SCHIP1: variants seen among roughly 807,000 people sequenced by gnomAD.
SCHIP1 encodes the protein schwannomin-interacting protein 1.
SCHIP1 carries 8 observed loss-of-function variants against 29.7 expected under a neutral mutation model. That is an observed-to-expected ratio of 0.27 (90% CI 0.16 to 0.49). SCHIP1 has a LOEUF of 0.49. Among genes scored for constraint, SCHIP1 ranks in the 20% least tolerant of loss-of-function variants. The pLI, the probability that SCHIP1 is intolerant of heterozygous loss-of-function variation, is 0.99. For synonymous variants in SCHIP1, 76 were observed against 94.9 expected (o/e 0.80, Z 1.16); for missense variants, 193 against 294.6 (o/e 0.66, Z 2.52).
the SCHIP1 span, among the ~76,000 whole-genome samples, chr3:159,565,261 G>A: frequency 6.6e-6 from 1 of 152,160 alleles, no homozygotes; most frequent in African/African-American, 2.4e-5. Context: ...TAGTGAACAC[G>A]AAAGTCATTT....
At chr3:159,421,499 G>T in the SCHIP1 span, among the ~76,000 whole-genome samples, 1 of 151,902 alleles carries the variant, frequency 6.6e-6, no homozygotes, top group African/African-American at 2.4e-5. Context: ...TTTATACTAT[G>T]AAAAAGGAGA....
chr3:159,552,408 C>A, the SCHIP1 span, among the ~76,000 whole-genome samples: 3 of 151,982 alleles, frequency 2.0e-5, no homozygotes, highest in Non-Finnish European at 4.4e-5. Context: ...ACTACTCTGA[C>A]CTTCAGTTTC....
the SCHIP1 span, among the ~76,000 whole-genome samples, chr3:159,596,365 T>G: frequency 4.6e-5 from 7 of 152,176 alleles, no homozygotes; most frequent in African/African-American, 1.7e-4. Flanking sequence ...TGTAAACTAG[T>G]TCAACCATTG....
At chr3:159,685,169 C>G in the SCHIP1 span, among the ~76,000 whole-genome samples, 1 of 152,208 alleles carries the variant, frequency 6.6e-6, no homozygotes, top group East Asian at 1.9e-4. Context: ...CCCTGCCCCC[C>G]AAGGAACTTA....
At chr3:159,570,326 A>G in the SCHIP1 span, among the ~76,000 whole-genome samples, 2 of 151,968 alleles carry the variant, frequency 1.3e-5, no homozygotes, top group Admixed American at 6.6e-5. Context: ...TTTGTATAAG[A>G]TGTAAGGAAG....
the SCHIP1 span, among the ~76,000 whole-genome samples, chr3:159,567,163 A>C: frequency 2.6e-5 from 4 of 152,256 alleles, no homozygotes; most frequent in Admixed American, 6.5e-5. Context: ...CTCCTTTTAT[A>C]AATTGTGTTT....
At chr3:159,440,701 G>A in the SCHIP1 span, among the ~76,000 whole-genome samples, 3,798 of 151,878 alleles carry the variant, frequency 0.025, 173 homozygotes, top group African/African-American at 0.087. Context: ...TACTTTCCAC[G>A]TCTACACTGT....
the SCHIP1 span, among the ~76,000 whole-genome samples, chr3:159,805,561 G>C: frequency 6.6e-6 from 1 of 152,174 alleles, no homozygotes; most frequent in Admixed American, 6.5e-5. Flanking sequence ...AACACTCTCT[G>C]TAGTCCTTTT....
At chr3:159,484,006 A>G in the SCHIP1 span, among the ~76,000 whole-genome samples, 6 of 152,182 alleles carry the variant, frequency 3.9e-5, no homozygotes, top group East Asian at 1.2e-3. Context: ...TACAATATAA[A>G]TTTAAAAGAG....
intron 1 of SCHIP1, among the ~76,000 whole-genome samples, chr3:159,854,976 A>G (rs926352970): frequency 6.6e-6 from 1 of 152,238 alleles, no homozygotes; most frequent in Non-Finnish European, 1.5e-5. Context: ...AAGGAGCTTT[A>G]AAACATCAAC....
intron 2 of SCHIP1, among the ~76,000 whole-genome samples, chr3:159,871,196 T>G (rs958923785): frequency 2.0e-5 from 3 of 152,066 alleles, no homozygotes; most frequent in Non-Finnish European, 2.9e-5. Flanking sequence ...AATAACTAAG[T>G]ATAAGACACT....
chr3:159,362,708 G>A, the SCHIP1 span, among the ~76,000 whole-genome samples: 3 of 152,088 alleles, frequency 2.0e-5, no homozygotes, highest in Non-Finnish European at 4.4e-5. Flanking sequence ...TTTCCCCCCC[G>A]GCCATGAGCC....
chr3:159,612,877 T>C, the SCHIP1 span, among the ~76,000 whole-genome samples: 2,783 of 152,316 alleles, frequency 0.018, 106 homozygotes, highest in African/African-American at 0.064. Flanking sequence ...GATAGATTAT[T>C]TTTCCCTTAT....
chr3:159,366,822 T>G, the SCHIP1 span, among the ~76,000 whole-genome samples: 2 of 152,186 alleles, frequency 1.3e-5, no homozygotes, highest in African/African-American at 4.8e-5. Context: ...AAGATGCTTT[T>G]GATAGGAAAA....
the SCHIP1 span, among the ~76,000 whole-genome samples, chr3:159,680,657 TATAAA>T: frequency 6.9e-5 from 5 of 72,364 alleles, no homozygotes; most frequent in South Asian, 3.2e-4. Context: ...TATATGTATA[TATAAA>T]ATATATATTA....
the SCHIP1 span, among the ~76,000 whole-genome samples, chr3:159,648,695 C>A: frequency 6.6e-6 from 1 of 152,062 alleles, no homozygotes; most frequent in East Asian, 1.9e-4. Flanking sequence ...GACAACTTTA[C>A]CCAGGCTTCC....
the SCHIP1 span, among the ~76,000 whole-genome samples, chr3:159,422,186 G>A: frequency 1.3e-5 from 2 of 152,168 alleles, no homozygotes; most frequent in Non-Finnish European, 2.9e-5. Context: ...CTAAGCAGAA[G>A]TCTGAGGGTG....
intron 1 of SCHIP1, 122 bp from the exon 3 acceptor site, chr3:159,866,041 G>T: frequency 1.2e-6 from 1 of 818,086 alleles, no homozygotes. Flanking sequence ...CTCTTATGCC[G>T]CAGCCTATTT....
the SCHIP1 span, among the ~76,000 whole-genome samples, chr3:159,698,962 A>C: frequency 2.6e-5 from 4 of 152,152 alleles, no homozygotes; most frequent in African/African-American, 9.7e-5. Context: ...AGTTACTTCT[A>C]AGACCACTTC....
Sources: allele counts gnomAD v4.1 joint callset (sites outside exome capture counted in the v4.1 genomes callset), GRCh38; gene constraint gnomAD v4.1.1; transcripts MANE v1.5; gene names NCBI Gene and HGNC (gene_info 2026-07-23, HGNC 2026-07-21).